COX4I1: variants seen among roughly 807,000 people sequenced by gnomAD.
COX4I1 encodes cytochrome c oxidase subunit 4I1.
A neutral mutation model predicts 21.7 loss-of-function variants in COX4I1; 18 were observed. The observed-to-expected ratio is 0.83, with a 90% CI of 0.57 to 1.23. The LOEUF is 1.23. COX4I1 is among the 50% of genes most tolerant of loss of function. The pLI is 0.00. For synonymous variants in COX4I1, 100 were observed against 81.5 expected (o/e 1.23, Z -1.23); for missense variants, 238 against 220.7 (o/e 1.08, Z -0.50).
chr16:85,807,033 A>C lies in COX4I1; in HGVS notation c.*159A>C. ...TGTGATCAGTTCTTTAATGATACCTAAATGAAAGCTAATTAAAACAATAGG... is the reference window on the plus strand; with the variant it reads ...TGTGATCAGTTCTTTAATGATACCTCAATGAAAGCTAATTAAAACAATAGG... On this transcript the variant is annotated 3_prime_UTR_variant, in exon 5 of 5. Transcript: ENST00000253452. 1.4e-6 allele frequency: 1 copy of C among 719,436 alleles called. No homozygotes were observed. The highest frequency in any genetic ancestry group is 1.9e-5 in the South Asian group (1 of 51,320). 44.6% of individuals were successfully genotyped at this position (719,436 alleles called of 1,614,324 possible). A position where few individuals can be genotyped will look rare whatever the true frequency, so the allele number is the denominator to read the frequency against.
Position 85,806,996 on chromosome 16 carries a change from C to A in COX4I1, c.*122C>A. The A allele has an allele frequency of 1.9e-6, 2 of 1,034,562 alleles. No individual in the cohort carries two copies. The highest frequency in any genetic ancestry group is 5.3e-4 in the Middle Eastern group (2 of 3,780). 64.1% of individuals were successfully genotyped at this position (1,034,562 alleles called of 1,614,324 possible). ...CCACTGCTAATAAATGACCAGTTTA[C>A]CTGAAACCCTTTGTGATCAGTTCTT... On this transcript the variant is annotated 3_prime_UTR_variant, in exon 5 of 5. Coordinates refer to ENST00000253452, the MANE Select transcript of COX4I1 (RefSeq NM_001861.6).
Position 85,806,830 on chromosome 16 carries a change from T to TACG in COX4I1, c.466_467insACG (p.Leu156delinsTyrVal). ...CATGAAGGTGAACCCCATCCAGGGCTTAGCCTCCAAGTGGGACTACGAAAA... is the reference window on the plus strand; with the variant it reads ...CATGAAGGTGAACCCCATCCAGGGCTACGTAGCCTCCAAGTGGGACTACGAAAA... On this transcript the variant is annotated protein_altering_variant, in exon 5 of 5. Transcript: ENST00000253452. The TACG allele has an allele frequency of 6.2e-7, 1 of 1,614,200 alleles. No homozygotes were observed. The highest frequency in any genetic ancestry group is 1.7e-5 in the Admixed American group (1 of 60,020).
chr16:85,806,037 G>A (rs1597219785), intron 4 of COX4I1, 173 bp downstream of exon 4: 1 of 878,102 alleles, frequency 1.1e-6, no homozygotes, highest in East Asian at 2.5e-5. Flanking sequence ...CTGAAGTCGT[G>A]GGAGGTTAGT....
Position 85,805,729 on chromosome 16 carries a change from C to T in COX4I1, c.242-4C>T. On this transcript the variant is annotated splice_region_variant and splice_polypyrimidine_tract_variant and intron_variant, in intron 3 of 4. Coordinates refer to ENST00000253452, the MANE Select transcript of COX4I1 (RefSeq NM_001861.6). ...CTGTAAATGGCTGTCCTCTCTGCCCCCAGTGTATCGCATTAAGTTCAAGGA... is the reference window on the plus strand; with the variant it reads ...CTGTAAATGGCTGTCCTCTCTGCCCTCAGTGTATCGCATTAAGTTCAAGGA... The T allele has an allele frequency of 1.2e-6, 2 of 1,614,124 alleles. No individual in the cohort carries two copies. The highest frequency in any genetic ancestry group is 1.7e-6 in the Non-Finnish European group (2 of 1,179,970).
intron 2 of COX4I1, among the ~76,000 whole-genome samples, chr16:85,801,494 C>T (rs1191473646): frequency 1.3e-5 from 2 of 152,076 alleles, no homozygotes; most frequent in Non-Finnish European, 2.9e-5. Flanking sequence ...ACTGATACTT[C>T]CCCACTTACC....
chr16:85,800,348 G>A (rs920167224), intron 1 of COX4I1, among the ~76,000 whole-genome samples: 4 of 152,242 alleles, frequency 2.6e-5, no homozygotes, highest in Non-Finnish European at 4.4e-5. Flanking sequence ...CTGAATAGAG[G>A]AGGGCCCGGG....
chr16:85,802,525 C>A (rs1337111282), intron 2 of COX4I1, among the ~76,000 whole-genome samples: 1 of 136,238 alleles, frequency 7.3e-6, no homozygotes, highest in Non-Finnish European at 1.6e-5. Flanking sequence ...GTAAGTCATA[C>A]ATGAATAATA....
At position 85,805,097 on chromosome 16, in the gene COX4I1, A is replaced by G. The variant is rs774416869; in HGVS notation, c.234A>G (p.Lys78=). Residue 78 remains lysine (K), a synonymous_variant, in exon 3 of 5, where the codon AAA becomes AAG. Transcript: ENST00000253452. The part of the protein sequence containing the change: ...ASWSSLSMDE[K]VELYRIKFKE... Reference sequence around the variant, plus strand: ...GGAGCAGCCTCTCCATGGATGAGAAAGTCGAGTGTGGGTATTGAAGGGACC... The same window carrying G: ...GGAGCAGCCTCTCCATGGATGAGAAGGTCGAGTGTGGGTATTGAAGGGACC... 1 of 1,612,024 alleles carries G rather than the reference A, an allele frequency of 6.2e-7. No homozygotes were observed. The highest frequency in any genetic ancestry group is 8.5e-7 in the Non-Finnish European group (1 of 1,179,270).
intron 4 of COX4I1, chr16:85,806,076 C>T: frequency 1.5e-6 from 1 of 659,120 alleles, no homozygotes; most frequent in Non-Finnish European, 2.6e-6. Context: ...TTATTCATAG[C>T]CATGCTTGTT....
intron 2 of COX4I1, among the ~76,000 whole-genome samples, chr16:85,802,193 G>A (rs889014342): frequency 2.0e-5 from 3 of 152,076 alleles, no homozygotes; most frequent in African/African-American, 7.2e-5. Flanking sequence ...CATTCCTCCC[G>A]TAGAGCCCCG....
At chr16:85,806,578 T>C (rs1906221411) in intron 4 of COX4I1, 160 bp from the exon 5 acceptor site, 2 of 997,362 alleles carry the variant, frequency 2.0e-6, no homozygotes, top group Non-Finnish European at 1.6e-6. Context: ...ATGTCAGTGT[T>C]GTCAGTGGTC....
chr16:85,800,988 A>G (rs1464811705), intron 1 of COX4I1, among the ~76,000 whole-genome samples: 1 of 152,186 alleles, frequency 6.6e-6, no homozygotes, highest in Non-Finnish European at 1.5e-5. Flanking sequence ...ATATTATGGC[A>G]GTTGATTTAT....
intron 2 of COX4I1, chr16:85,803,005 C>G (rs567326688): frequency 6.6e-6 from 1 of 152,300 alleles, no homozygotes; most frequent in East Asian, 1.9e-4. Flanking sequence ...AAAGTGTATG[C>G]TCCAGTGGTT....
At position 85,801,212 on chromosome 16, in the gene COX4I1, G is replaced by C. The variant is rs11557187; in HGVS notation, c.7G>C (p.Ala3Pro). The change falls in exon 2 of 5, where the codon GCT becomes CCT. Residue 3 changes from alanine (A) to proline (P), a missense_variant. By Grantham distance (27) the Ala-to-Pro change is conservative. Coordinates refer to ENST00000253452, the MANE Select transcript of COX4I1 (RefSeq NM_001861.6). ...TACATTTTTATCTTTCAGAATGTTG[G>C]CTACCAGGGTATTTAGCCTAGTTGG... ML[A>P]TRVFSLVGKR... 1 of 1,604,838 alleles carries C rather than the reference G, an allele frequency of 6.2e-7. No individual in the cohort carries two copies. Among genetic ancestry groups the C allele is most frequent in the Non-Finnish European group, 8.5e-7 (1 of 1,172,398 alleles).
intron 4 of COX4I1, 112 bp downstream of exon 4, chr16:85,805,976 C>T: frequency 7.0e-7 from 1 of 1,422,138 alleles, no homozygotes; most frequent in South Asian, 1.3e-5. Context: ...ATAGGGACTG[C>T]ATTCCAGAGT....
At chr16:85,800,366 G>A (rs1053722105) in intron 1 of COX4I1, among the ~76,000 whole-genome samples, 2 of 152,232 alleles carry the variant, frequency 1.3e-5, no homozygotes, top group African/African-American at 4.8e-5. Flanking sequence ...GGGTGAGGGG[G>A]GGTCTCATAG....
chr16:85,806,698 G>T, intron 4 of COX4I1, 40 bp from the exon 5 acceptor site: 1 of 1,613,972 alleles, frequency 6.2e-7, no homozygotes, highest in Non-Finnish European at 8.5e-7. Context: ...GAAACAACCT[G>T]TTGAGATAGT....
At chr16:85,800,117 C>T (rs569042149) in intron 1 of COX4I1, among the ~76,000 whole-genome samples, 5 of 152,354 alleles carry the variant, frequency 3.3e-5, no homozygotes, top group African/African-American at 9.6e-5. Flanking sequence ...GCAACCCCTC[C>T]CGGGTTTTGC....
In COX4I1 at chr16:85,806,765, A is replaced by G. The variant is rs1906239116; in HGVS notation, c.401A>G (p.Asp134Gly). 1 of 1,614,042 alleles carries G rather than the reference A, an allele frequency of 6.2e-7. No homozygotes were observed. Among genetic ancestry groups the G allele is most frequent in the Non-Finnish European group, 8.5e-7 (1 of 1,180,036 alleles). Reference protein sequence around the residue: ...YVYGPLPQSFDKEWVAKQTKR... With the variant: ...YVYGPLPQSFGKEWVAKQTKR... Reference sequence around the variant, plus strand: ...TACGGCCCCCTCCCGCAAAGCTTTGACAAAGAGTGGGTGGCCAAGCAGACC... The same window carrying G: ...TACGGCCCCCTCCCGCAAAGCTTTGGCAAAGAGTGGGTGGCCAAGCAGACC... The change falls in exon 5 of 5, where the codon GAC becomes GGC. Residue 134 changes from aspartate to glycine, a missense_variant. Asp to Gly is a moderately conservative substitution (Grantham distance 94). Coordinates refer to ENST00000253452, the MANE Select transcript of COX4I1 (RefSeq NM_001861.6).
Sources: allele counts gnomAD v4.1 joint callset (sites outside exome capture counted in the v4.1 genomes callset), GRCh38; gene constraint gnomAD v4.1.1; transcripts MANE v1.5; gene names NCBI Gene and HGNC (gene_info 2026-07-23, HGNC 2026-07-21).